HSD17B12: variants seen among roughly 807,000 people sequenced by gnomAD.
The protein encoded by HSD17B12 is hydroxysteroid 17-beta dehydrogenase 12.
HSD17B12 carries 32 observed loss-of-function variants against 39.3 expected under a neutral mutation model. The observed-to-expected ratio is 0.81, with a 90% CI of 0.61 to 1.09. The LOEUF (loss-of-function observed/expected upper bound fraction) is 1.09. Ranked by LOEUF, HSD17B12 falls within the 50% of genes least tolerant of loss-of-function variation. The pLI is 0.00. For missense variants in HSD17B12, 342 were observed against 382.9 expected (o/e 0.89, Z 0.89); for synonymous variants, 150 against 146.7 (o/e 1.02, Z -0.16).
chr11:43,810,389 A>G (rs1951060233), intron 4 of HSD17B12, among the ~76,000 whole-genome samples: 1 of 129,090 alleles, frequency 7.7e-6, no homozygotes, highest in Non-Finnish European at 1.6e-5. Context: ...ATATATATAT[A>G]TATATATATA....
At chr11:43,840,945 T>TA (rs1951419744) in intron 9 of HSD17B12, among the ~76,000 whole-genome samples, 1 of 152,292 alleles carries the variant, frequency 6.6e-6, no homozygotes, top group African/African-American at 2.4e-5. Context: ...TTGAAGAACT[T>TA]AGCTATTTTC....
chr11:43,675,847 C>T (rs1442378629), upstream of HSD17B12, among the ~76,000 whole-genome samples: 1 of 152,154 alleles, frequency 6.6e-6, no homozygotes, highest in Non-Finnish European at 1.5e-5. Context: ...CATGTTGGCT[C>T]ATGCCTGTAA....
upstream of HSD17B12, among the ~76,000 whole-genome samples, chr11:43,676,778 T>C (rs1030276342): frequency 5.9e-5 from 9 of 152,206 alleles, no homozygotes; most frequent in African/African-American, 2.2e-4. Flanking sequence ...CCTATAATCA[T>C]AGATTCTAGT....
chr11:43,697,827 A>C (rs1949925949), intron 1 of HSD17B12, among the ~76,000 whole-genome samples: 1 of 152,174 alleles, frequency 6.6e-6, no homozygotes, highest in Admixed American at 6.5e-5. Context: ...GACTAGAGAA[A>C]TGTAGGCAGG....
chr11:43,690,356 T>TCATA (rs1219825791), intron 1 of HSD17B12, among the ~76,000 whole-genome samples: 7 of 104,452 alleles, frequency 6.7e-5, no homozygotes, highest in African/African-American at 2.1e-4. Context: ...AGTAAGGTAT[T>TCATA]CATACATATA....
chr11:43,665,450 C>T, the HSD17B12 span, among the ~76,000 whole-genome samples: 1 of 152,080 alleles, frequency 6.6e-6, no homozygotes, highest in Non-Finnish European at 1.5e-5. Context: ...AACTCCTGAC[C>T]TCAAGTGATC....
the HSD17B12 span, among the ~76,000 whole-genome samples, chr11:43,585,396 A>G: frequency 6.6e-6 from 1 of 152,180 alleles, no homozygotes; most frequent in Non-Finnish European, 1.5e-5. Flanking sequence ...CTACCTGCCT[A>G]ATCCTTGGAG....
chr11:43,760,222 G>A (rs1297361879), intron 3 of HSD17B12, among the ~76,000 whole-genome samples: 1 of 151,758 alleles, frequency 6.6e-6, no homozygotes, highest in Non-Finnish European at 1.5e-5. Context: ...GTTTTTTCTT[G>A]TATTTTTCGC....
intron 6 of HSD17B12, among the ~76,000 whole-genome samples, chr11:43,816,672 A>C (rs576914593): frequency 1.4e-4 from 22 of 151,818 alleles, no homozygotes; most frequent in Admixed American, 1.3e-3. Flanking sequence ...TGGTTACATG[A>C]GTAAGTTCTT....
At chr11:43,744,937 A>G (rs997302527) in intron 1 of HSD17B12, among the ~76,000 whole-genome samples, 2 of 152,220 alleles carry the variant, frequency 1.3e-5, no homozygotes, top group African/African-American at 4.8e-5. Context: ...TGGCCTCGCC[A>G]TTAGACATGT....
At chr11:43,648,394 A>AT in the HSD17B12 span, among the ~76,000 whole-genome samples, 1 of 152,054 alleles carries the variant, frequency 6.6e-6, no homozygotes, top group Non-Finnish European at 1.5e-5. Context: ...CTTAAACCAA[A>AT]TTCACAAAGT....
the HSD17B12 span, among the ~76,000 whole-genome samples, chr11:43,616,304 A>T: frequency 6.6e-6 from 1 of 150,746 alleles, no homozygotes; most frequent in Non-Finnish European, 1.5e-5. Flanking sequence ...GCTACTCTGG[A>T]GGCTAAGGCA....
chr11:43,678,340 G>A (rs1269493342), upstream of HSD17B12, among the ~76,000 whole-genome samples: 1 of 152,138 alleles, frequency 6.6e-6, no homozygotes, highest in Non-Finnish European at 1.5e-5. Flanking sequence ...TTAGCCCTTT[G>A]TAAGATGAGT....
Position 43,856,394 on chromosome 11 carries a change from A to G in HSD17B12, c.*1146A>G, listed in dbSNP as rs1951583310. On this transcript the variant is annotated 3_prime_UTR_variant, in exon 11 of 11. Transcript: ENST00000278353. Reference sequence around the variant, plus strand: ...TAAGCTCTGAGTTTTCAGCACCAGTAGATTTGTATTAAAAGAAAAAAAAAT... The same window carrying G: ...TAAGCTCTGAGTTTTCAGCACCAGTGGATTTGTATTAAAAGAAAAAAAAAT... 6.6e-6 allele frequency: 1 copy of G among 152,202 alleles called. No individual in the cohort carries two copies. The highest frequency in any genetic ancestry group is 1.5e-5 in the Non-Finnish European group (1 of 68,036). 9.4% of individuals were successfully genotyped at this position (152,202 alleles called of 1,614,324 possible). A position where few individuals can be genotyped will look rare whatever the true frequency, so the allele number is the denominator to read the frequency against.
chr11:43,807,506 A>AC (rs1429902350), intron 4 of HSD17B12, among the ~76,000 whole-genome samples: 1 of 152,236 alleles, frequency 6.6e-6, no homozygotes, highest in African/African-American at 2.4e-5. Context: ...GATTAAGCAG[A>AC]CCCAGATCAT....
the HSD17B12 span, among the ~76,000 whole-genome samples, chr11:43,612,420 C>CT: frequency 6.6e-6 from 1 of 152,156 alleles, no homozygotes; most frequent in Non-Finnish European, 1.5e-5. Context: ...TGGGTTTGGT[C>CT]TGGGCCAACC....
chr11:43,591,891 G>T, the HSD17B12 span, among the ~76,000 whole-genome samples: 466 of 152,050 alleles, frequency 3.1e-3, 5 homozygotes, highest in Non-Finnish European at 3.9e-3. Context: ...TTTCCATAGG[G>T]AGTTTTATGA....
At chr11:43,595,553 G>A in the HSD17B12 span, among the ~76,000 whole-genome samples, 310 of 152,288 alleles carry the variant, frequency 2.0e-3, 1 homozygote, top group Non-Finnish European at 2.1e-3. Flanking sequence ...GAGTGTACTT[G>A]TTAATGTTAC....
the HSD17B12 span, among the ~76,000 whole-genome samples, chr11:43,599,821 A>G: frequency 1.3e-5 from 2 of 152,204 alleles, no homozygotes; most frequent in African/African-American, 4.8e-5. Flanking sequence ...TTTTAAACAA[A>G]ATTATTACAT....
Sources: allele counts gnomAD v4.1 joint callset (sites outside exome capture counted in the v4.1 genomes callset), GRCh38; gene constraint gnomAD v4.1.1; transcripts MANE v1.5; gene names NCBI Gene and HGNC (gene_info 2026-07-23, HGNC 2026-07-21).